Variants in KLHL1 observed in about 807,000 individuals in gnomAD.
KLHL1 encodes kelch-like protein 1.
Under a neutral mutation model 77.7 loss-of-function variants are expected in KLHL1, and 47 were observed. The ratio of observed to expected loss-of-function variants is 0.60; its 90% CI spans 0.48 to 0.77. The LOEUF is 0.77. KLHL1 is among the 30% of genes least tolerant of loss of function. The pLI, the probability that KLHL1 is intolerant of heterozygous loss-of-function variation, is 0.00. For synonymous variants in KLHL1, 360 were observed against 325.2 expected (o/e 1.11, Z -1.15); for missense variants, 925 against 910.8 (o/e 1.02, Z -0.20).
chr13:69,715,112 G>T (rs1876058268), intron 9 of KLHL1, among the ~76,000 whole-genome samples: 1 of 152,078 alleles, frequency 6.6e-6, no homozygotes, highest in Non-Finnish European at 1.5e-5. Flanking sequence ...TAACTAAATT[G>T]GTATAGCTAT....
At chr13:69,950,184 G>A (rs756861207) in intron 3 of KLHL1, among the ~76,000 whole-genome samples, 3 of 151,660 alleles carry the variant, frequency 2.0e-5, no homozygotes, top group South Asian at 2.1e-4. Flanking sequence ...AAGTAGCTGC[G>A]ACAATACAAG....
chr13:70,088,572 A>G (rs1030974744), intron 1 of KLHL1, among the ~76,000 whole-genome samples: 3 of 152,110 alleles, frequency 2.0e-5, no homozygotes, highest in Non-Finnish European at 2.9e-5. Context: ...ATCTCCAGCT[A>G]TTTAGGATGC....
rs997806530 is a variant in KLHL1, at chr13:69,982,466, ATAATAATAAT to A, written c.498-6674_498-6665del. On this transcript the variant is annotated intron_variant, in intron 1 of 10. Transcript: ENST00000377844. ...AATAATAATAATAATAATAATAATA[ATAATAATAAT>A]AATAAAATAAAAAGCAATAAATCAA... 4.4e-5 allele frequency among the ~76,000 whole-genome samples: 6 copies of A among 137,216 alleles called. No homozygotes were observed. The South Asian group carries it at 6.4e-4, about 15-fold the overall frequency. 90.0% of individuals were successfully genotyped at this position (137,216 alleles called of 152,430 possible). A position where few individuals can be genotyped will look rare whatever the true frequency, so the allele number is the denominator to read the frequency against.
At chr13:69,845,853 T>TG (rs1469883918) in intron 5 of KLHL1, among the ~76,000 whole-genome samples, 1 of 151,386 alleles carries the variant, frequency 6.6e-6, no homozygotes, top group Non-Finnish European at 1.5e-5. Context: ...CTAATATTAC[T>TG]GCTTCAAGAT....
At chr13:69,839,486 C>T (rs1416241376) in intron 5 of KLHL1, among the ~76,000 whole-genome samples, 2 of 151,692 alleles carry the variant, frequency 1.3e-5, no homozygotes, top group East Asian at 1.9e-4. Context: ...CTTGTGTTGG[C>T]CATAAACATG....
At chr13:70,075,559 G>GTA (rs1555295382) in intron 1 of KLHL1, among the ~76,000 whole-genome samples, 1 of 91,352 alleles carries the variant, frequency 1.1e-5, no homozygotes, top group Non-Finnish European at 2.1e-5. Flanking sequence ...ATACCTGTGT[G>GTA]TGTGTATGTG....
chr13:69,836,934 T>A, intron 6 of KLHL1, among the ~76,000 whole-genome samples: 1 of 151,806 alleles, frequency 6.6e-6, no homozygotes, highest in Admixed American at 6.6e-5. Context: ...ACATAAAAAA[T>A]TAAATACAAA....
chr13:70,053,174 T>C (rs1886669364), intron 1 of KLHL1, among the ~76,000 whole-genome samples: 1 of 151,968 alleles, frequency 6.6e-6, no homozygotes, highest in Non-Finnish European at 1.5e-5. Context: ...AAAAATAAGA[T>C]ATAGGGTCAA....
At chr13:70,035,806 C>T (rs1039653217) in intron 1 of KLHL1, among the ~76,000 whole-genome samples, 1 of 151,260 alleles carries the variant, frequency 6.6e-6, no homozygotes, top group Admixed American at 6.6e-5. Flanking sequence ...AAGCCTGATA[C>T]AAAATTAAAC....
intron 6 of KLHL1, among the ~76,000 whole-genome samples, chr13:69,837,589 T>C (rs1169967927): frequency 6.8e-6 from 1 of 148,020 alleles, no homozygotes; most frequent in Non-Finnish European, 1.5e-5. Flanking sequence ...AGTTATACTA[T>C]ATATATACAC....
rs1883666064 is a variant in KLHL1 at position 69,950,294 on chromosome 13, C to T, written c.818-10058G>A. Among the ~76,000 whole-genome samples the T allele has an allele frequency of 2.0e-5, 3 of 151,654 alleles. No individual in the cohort carries two copies. The South Asian group carries it at 6.2e-4, about 31-fold the overall frequency. ...CAGTAGCTCAAATTTACTTAAATTT[C>T]TTTAAAGCTACTCTAATTACATATC... On this transcript the variant is annotated intron_variant, in intron 3 of 10. Transcript: ENST00000377844.
chr13:69,764,441 G>A (rs1875171464), intron 7 of KLHL1, among the ~76,000 whole-genome samples: 1 of 151,996 alleles, frequency 6.6e-6, no homozygotes. Flanking sequence ...AAACTCTTAA[G>A]GTTTTTGTCT....
At chr13:69,912,759 G>A (rs1361749897) in intron 4 of KLHL1, among the ~76,000 whole-genome samples, 1 of 152,096 alleles carries the variant, frequency 6.6e-6, no homozygotes, top group Non-Finnish European at 1.5e-5. Flanking sequence ...CTGTCGTCTA[G>A]CCTTTTCTTT....
At chr13:69,938,441 GA>G (rs1388216618) in intron 4 of KLHL1, among the ~76,000 whole-genome samples, 1 of 151,796 alleles carries the variant, frequency 6.6e-6, no homozygotes, top group East Asian at 1.9e-4. Context: ...AGTCTCTGAA[GA>G]AAAAAATTTG....
At chr13:70,005,621 C>A (rs925532980) in intron 1 of KLHL1, among the ~76,000 whole-genome samples, 2 of 151,460 alleles carry the variant, frequency 1.3e-5, no homozygotes, top group African/African-American at 4.9e-5. Context: ...TAGTATTAAT[C>A]ATATGTACAA....
At chr13:69,821,783 T>C (rs748673378) in intron 6 of KLHL1, among the ~76,000 whole-genome samples, 1 of 152,220 alleles carries the variant, frequency 6.6e-6, no homozygotes, top group African/African-American at 2.4e-5. Context: ...TTTTACTTTA[T>C]ACTTCTTCAT....
chr13:70,069,788 T>C (rs2137416129), intron 1 of KLHL1, among the ~76,000 whole-genome samples: 1 of 151,468 alleles, frequency 6.6e-6, no homozygotes, highest in South Asian at 2.1e-4. Context: ...TGAAAAGATT[T>C]TAAAAAATAT....
intron 1 of KLHL1, among the ~76,000 whole-genome samples, chr13:70,006,825 T>C (rs1238739170): frequency 6.6e-6 from 1 of 152,060 alleles, no homozygotes; most frequent in Non-Finnish European, 1.5e-5. Flanking sequence ...TCTAGAACTC[T>C]AAGTAAAAAT....
intron 1 of KLHL1, among the ~76,000 whole-genome samples, chr13:70,100,436 T>C (rs1334711177): frequency 6.6e-6 from 1 of 152,138 alleles, no homozygotes; most frequent in Admixed American, 6.6e-5. Flanking sequence ...TTATAGACAA[T>C]TGTATCTGCA....
Sources: gnomAD v4.1 joint callset for allele counts (sites outside exome capture counted in the v4.1 genomes callset) on GRCh38, gnomAD v4.1.1 for gene constraint, MANE v1.5 for transcripts, NCBI Gene and HGNC (gene_info 2026-07-23, HGNC 2026-07-21) for gene names.